IQGAP2: variants seen among roughly 807,000 people sequenced by gnomAD.
IQGAP2 encodes IQ motif containing GTPase activating protein 2, also known as ras GTPase-activating-like protein IQGAP2.
A neutral mutation model predicts 201.3 loss-of-function variants in IQGAP2; 173 were observed. The observed-to-expected ratio is 0.86, with a 90% CI of 0.76 to 0.98. The LOEUF is 0.98. IQGAP2 is among the 50% of genes least tolerant of loss of function. IQGAP2 has a pLI of 0.00. For synonymous variants in IQGAP2, 675 were observed against 673.9 expected, an observed-to-expected ratio of 1.00 and a Z score of -0.03; for missense variants, 1,687 against 1,864.8, an observed-to-expected ratio of 0.90 and a Z score of 1.76.
intron 2 of IQGAP2, among the ~76,000 whole-genome samples, chr5:76,482,317 T>C (rs1755840619): frequency 6.6e-6 from 1 of 152,180 alleles, no homozygotes; most frequent in Non-Finnish European, 1.5e-5. Context: ...AATATATGCT[T>C]ATAAAGTGGT....
chr5:76,445,465 CTTT>C (rs33993084), intron 1 of IQGAP2, among the ~76,000 whole-genome samples: 8 of 140,010 alleles, frequency 5.7e-5, no homozygotes, highest in Non-Finnish European at 7.9e-5. Flanking sequence ...CCGTTTTAAC[CTTT>C]TTTTTTTTTT....
chr5:76,495,514 A>T (rs1756841493), intron 2 of IQGAP2, among the ~76,000 whole-genome samples: 1 of 152,172 alleles, frequency 6.6e-6, no homozygotes, highest in Non-Finnish European at 1.5e-5. Flanking sequence ...GTTTGAAATG[A>T]GTATAACCAT....
At chr5:76,545,392 C>T (rs1743035068) in intron 2 of IQGAP2, among the ~76,000 whole-genome samples, 1 of 152,164 alleles carries the variant, frequency 6.6e-6, no homozygotes, top group African/African-American at 2.4e-5. Flanking sequence ...GTTAAGCCGA[C>T]ACACCCTTTA....
chr5:76,626,384 C>T (rs1336667958), intron 13 of IQGAP2, among the ~76,000 whole-genome samples: 5 of 147,768 alleles, frequency 3.4e-5, no homozygotes, highest in Non-Finnish European at 5.9e-5. Flanking sequence ...GCAATCCTCC[C>T]GCCTTCCTCC....
At chr5:76,551,354 A>G (rs1166950160) in intron 2 of IQGAP2, among the ~76,000 whole-genome samples, 3 of 127,916 alleles carry the variant, frequency 2.3e-5, no homozygotes, top group Non-Finnish European at 3.3e-5. Flanking sequence ...GGGAAGAGGC[A>G]CTCCTCACTT....
chr5:76,682,190 AAGTG>A (rs1322026413), intron 28 of IQGAP2, among the ~76,000 whole-genome samples: 1 of 152,188 alleles, frequency 6.6e-6, no homozygotes, highest in African/African-American at 2.4e-5. Context: ...CGTACATTTT[AAGTG>A]AGTGGATTTG....
At chr5:76,706,570 T>G (rs934141282) in intron 35 of IQGAP2, among the ~76,000 whole-genome samples, 1 of 151,896 alleles carries the variant, frequency 6.6e-6, no homozygotes, top group African/African-American at 2.4e-5. Context: ...CTGGTCTCAC[T>G]CTCCTGACCT....
At chr5:76,597,316 C>T in intron 9 of IQGAP2, 123 bp from the exon 10 acceptor site, 1 of 899,280 alleles carries the variant, frequency 1.1e-6, no homozygotes, top group Non-Finnish European at 1.7e-6. Flanking sequence ...CCTCTGCCTG[C>T]AGCTTTTCAG....
Position 76,637,168 on chromosome 5 carries a change from G to T in IQGAP2, c.1915G>T (p.Glu639Ter). 6.2e-7 allele frequency: 1 copy of T among 1,604,068 alleles called. No homozygotes were observed. Among genetic ancestry groups the T allele is most frequent in the South Asian group, 1.1e-5 (1 of 88,618 alleles). Residue 639 changes from glutamate (E) to a stop codon, truncating the protein, a stop_gained, in exon 16 of 36, where the codon GAA (glutamate) becomes TAA (stop). Transcript: ENST00000274364. LOFTEE classifies it high-confidence loss of function. ...TAAAGAATCATGGCTCACAGGAAAA[G>T]AAATCGAGGTAGGAGGTTGGTGTTT... ...LYKESWLTGK[E>*]IEDIIEEVTV...
rs545900867 is a variant in IQGAP2, at chr5:76,440,789, T to C, written c.47-20781T>C. Among the ~76,000 whole-genome samples, 9 of 151,776 alleles carry C rather than the reference T, an allele frequency of 5.9e-5. No individual in the cohort carries two copies. In the South Asian group the frequency reaches 1.9e-3, roughly 32 times the overall value. ...TGCAGTGACTCAGTAATCCCAGCACTATGGGAGGCTGAGGCGGACGGATCA... is the reference window on the plus strand; with the variant it reads ...TGCAGTGACTCAGTAATCCCAGCACCATGGGAGGCTGAGGCGGACGGATCA... On this transcript the variant is annotated intron_variant, in intron 1 of 35. Coordinates refer to ENST00000274364, the MANE Select transcript of IQGAP2 (RefSeq NM_006633.5).
At chr5:76,704,933 T>C (rs923861850) in intron 35 of IQGAP2, among the ~76,000 whole-genome samples, 4 of 152,242 alleles carry the variant, frequency 2.6e-5, no homozygotes, top group African/African-American at 7.2e-5. Context: ...TCTATGTCTC[T>C]TGGTTATCTT....
chr5:76,591,713 A>T lies in IQGAP2; in HGVS notation c.820-1125A>T, dbSNP rs185116037. 2.1e-3 allele frequency among the ~76,000 whole-genome samples: 313 copies of T among 152,236 alleles called. 1 individual carries two copies. The highest frequency in any genetic ancestry group is 7.2e-3 in the African/African-American group (298 of 41,542). On this transcript the variant is annotated intron_variant, in intron 8 of 35. Coordinates refer to ENST00000274364, the MANE Select transcript of IQGAP2 (RefSeq NM_006633.5). ...CAGTATGGGGATTCTTCAAGGTCTG[A>T]CATGGAATCCCTTCTCTGTTCTTCT...
intron 14 of IQGAP2, among the ~76,000 whole-genome samples, chr5:76,629,661 C>T (rs981011463): frequency 1.3e-5 from 2 of 152,270 alleles, no homozygotes; most frequent in African/African-American, 4.8e-5. Context: ...CATATGTAGA[C>T]CTGTACTTTA....
intron 1 of IQGAP2, among the ~76,000 whole-genome samples, chr5:76,448,846 T>C (rs576387841): frequency 2.6e-5 from 4 of 152,314 alleles, no homozygotes; most frequent in Admixed American, 6.5e-5. Flanking sequence ...GACTTAACAA[T>C]TGATGCCCAG....
intron 1 of IQGAP2, among the ~76,000 whole-genome samples, chr5:76,447,729 G>A (rs1460064574): frequency 6.6e-6 from 1 of 152,200 alleles, no homozygotes; most frequent in Non-Finnish European, 1.5e-5. Context: ...CTGCTGGTAT[G>A]CAGACCTATG....
At chr5:76,646,591 C>G (rs75672291) in intron 17 of IQGAP2, among the ~76,000 whole-genome samples, 1 of 152,158 alleles carries the variant, frequency 6.6e-6, no homozygotes, top group Non-Finnish European at 1.5e-5. Flanking sequence ...CTGTATAATT[C>G]TTTATCACCA....
At chr5:76,704,907 CT>C (rs1213386862) in intron 35 of IQGAP2, among the ~76,000 whole-genome samples, 7 of 152,146 alleles carry the variant, frequency 4.6e-5, no homozygotes, top group Admixed American at 4.6e-4. Flanking sequence ...AAGAAAGCCC[CT>C]TCTAACATTA....
chr5:76,592,212 T>G (rs1368436160), intron 8 of IQGAP2, among the ~76,000 whole-genome samples: 1 of 152,204 alleles, frequency 6.6e-6, no homozygotes, highest in African/African-American at 2.4e-5. Flanking sequence ...TATTACCTAC[T>G]GAATTAAATA....
At chr5:76,515,314 G>A (rs1314630771) in intron 2 of IQGAP2, among the ~76,000 whole-genome samples, 1 of 152,158 alleles carries the variant, frequency 6.6e-6, no homozygotes, top group Non-Finnish European at 1.5e-5. Context: ...TACATTCTTT[G>A]AAGATTGAGG....
Sources: allele counts gnomAD v4.1 joint callset (sites outside exome capture counted in the v4.1 genomes callset), GRCh38; gene constraint gnomAD v4.1.1; transcripts MANE v1.5; gene names NCBI Gene and HGNC (gene_info 2026-07-23, HGNC 2026-07-21).